ATP7A: variants seen among roughly 807,000 people sequenced by gnomAD.
ATP7A encodes the protein ATPase copper transporting alpha.
Under a neutral mutation model 83.5 loss-of-function variants are expected in ATP7A, and 7 were observed. That is an observed-to-expected ratio of 0.08 (90% confidence interval 0.05 to 0.16). ATP7A has a LOEUF of 0.16. Among genes scored for constraint, ATP7A ranks in the 10% least tolerant of loss-of-function variants. The probability of loss-of-function intolerance (pLI) is 1.00; values close to 1 mark genes in which losing one functional copy is unlikely to be tolerated. For synonymous variants in ATP7A, 354 were observed against 395.2 expected (o/e 0.90, Z 1.24); for missense variants, 940 against 1,120.8 (o/e 0.84, Z 2.30).
intron 4 of ATP7A, among the ~76,000 whole-genome samples, chrX:77,990,589 A>T (rs1253565627): frequency 1.8e-5 from 2 of 112,283 alleles, no homozygotes; most frequent in Non-Finnish European, 3.8e-5. Context: ...TTTAACTATA[A>T]TTTTATATTT....
At chrX:77,943,316 G>A (rs1230568112) in intron 1 of ATP7A, among the ~76,000 whole-genome samples, 2 of 111,255 alleles carry the variant, frequency 1.8e-5, no homozygotes, top group Admixed American at 9.5e-5. Flanking sequence ...TCCTTTTTTG[G>A]TATGTTTTCT....
At position 78,013,079 on chromosome X, in the gene ATP7A, T is replaced by C; in HGVS notation, c.2373T>C (p.Ile791=). The C allele has an allele frequency of 8.3e-7, 1 of 1,210,285 alleles. No individual in the cohort carries two copies. Among genetic ancestry groups the C allele is most frequent in the Non-Finnish European group, 1.1e-6 (1 of 894,119 alleles). Residue 791 remains isoleucine (I), a synonymous_variant, in exon 10 of 23, where the codon ATT becomes ATC. Transcript: ENST00000341514. ...CACCCCCTATGCTGTTTGTGTTTAT[T>C]GCACTAGGCCGATGGCTGGAACATA... ...FDTPPMLFVF[I]ALGRWLEHIA... is the part of the protein sequence containing the mutation.
intron 1 of ATP7A, among the ~76,000 whole-genome samples, chrX:77,929,326 T>G (rs1303539114): frequency 9.0e-6 from 1 of 111,730 alleles, no homozygotes; most frequent in Admixed American, 9.5e-5. Flanking sequence ...AAAGAATTGC[T>G]TGAACCCATC....
intron 1 of ATP7A, among the ~76,000 whole-genome samples, chrX:77,928,099 C>T (rs1557223807): frequency 9.1e-6 from 1 of 110,283 alleles, no homozygotes; most frequent in Admixed American, 9.8e-5. Flanking sequence ...GTAGCTGGGA[C>T]TACAGGTATG....
chrX:77,935,851 A>G (rs2077317184), intron 1 of ATP7A, among the ~76,000 whole-genome samples: 1 of 112,672 alleles, frequency 8.9e-6, no homozygotes, highest in South Asian at 3.6e-4. Context: ...AAGCCAATCT[A>G]GTGAAATTAC....
At chrX:77,951,723 G>A (rs1209077624) in intron 1 of ATP7A, among the ~76,000 whole-genome samples, 8 of 110,768 alleles carry the variant, frequency 7.2e-5, no homozygotes, top group African/African-American at 2.6e-4. Flanking sequence ...TGGACTACAA[G>A]CATGCACCAC....
At chrX:78,004,515 G>A (rs782376714) in intron 6 of ATP7A, among the ~76,000 whole-genome samples, 2 of 111,856 alleles carry the variant, frequency 1.8e-5, no homozygotes, top group Non-Finnish European at 3.8e-5. Flanking sequence ...TTGGGAGGCC[G>A]AGGTGGGAGG....
At chrX:78,002,965 AT>A in intron 5 of ATP7A, 107 bp from the exon 6 acceptor site, 1 of 852,473 alleles carries the variant, frequency 1.2e-6, no homozygotes, top group Non-Finnish European at 1.7e-6. Flanking sequence ...AAATCCTTTA[AT>A]ACTTAAGAGA....
intron 6 of ATP7A, among the ~76,000 whole-genome samples, chrX:78,005,555 C>T (rs1480099586): frequency 8.4e-5 from 9 of 107,571 alleles, no homozygotes; most frequent in South Asian, 4.1e-4. Context: ...TGGTGGCACG[C>T]GCCTGTAATC....
intron 2 of ATP7A, among the ~76,000 whole-genome samples, chrX:77,982,340 A>T (rs1235892832): frequency 2.7e-5 from 3 of 112,159 alleles, no homozygotes; most frequent in Non-Finnish European, 5.6e-5. Context: ...ACTGAGCAGC[A>T]TGCTAACCTG....
chrX:77,915,334 A>T (rs1557222402), intron 1 of ATP7A, among the ~76,000 whole-genome samples: 1 of 108,645 alleles, frequency 9.2e-6, no homozygotes, highest in Non-Finnish European at 1.9e-5. Context: ...TCCGGAAAAA[A>T]AAAAAAAGCC....
chrX:77,920,155 C>A (rs919752385), intron 1 of ATP7A, among the ~76,000 whole-genome samples: 11 of 110,428 alleles, frequency 1.0e-4, no homozygotes, highest in Non-Finnish European at 1.5e-4. Context: ...ACCCTTGCCC[C>A]ACTCCCTCCC....
Position 78,046,308 on chromosome X carries a change from C to T in ATP7A, c.4241C>T (p.Thr1414Ile), listed in dbSNP as rs782198884. 9 of 1,210,158 alleles carry T rather than the reference C, an allele frequency of 7.4e-6. No homozygotes were observed. The African/African-American group carries it at 1.6e-4, about 21-fold the overall frequency. ...SLFLKLYRKP[T>I]YESYELPARS... ...CATATGTCCAGTTACAGGAAACCAA[C>T]TTACGAGAGTTATGAACTGCCTGCC... Residue 1414 changes from threonine to isoleucine, a missense_variant, in exon 23 of 23, where the codon ACT (threonine) becomes ATT (isoleucine). Physicochemically the swap from Thr to Ile is moderately conservative, Grantham distance 89. Transcript: ENST00000341514.
chrX:77,914,534 G>T (rs1332455837), intron 1 of ATP7A, among the ~76,000 whole-genome samples: 1 of 111,034 alleles, frequency 9.0e-6, no homozygotes, highest in Non-Finnish European at 1.9e-5. Flanking sequence ...CAAGTAGCGG[G>T]GATTACAGGT....
chrX:77,971,814 AG>A, intron 2 of ATP7A, 53 bp downstream of exon 2: 1 of 1,173,925 alleles, frequency 8.5e-7, no homozygotes, highest in Non-Finnish European at 1.2e-6. Flanking sequence ...GAATTCTACT[AG>A]AAATTACTTC....
In ATP7A at chrX:77,968,152, C is replaced by G. The variant is rs1247604682; in HGVS notation, c.-21-3469C>G. 5.5e-5 allele frequency among the ~76,000 whole-genome samples: 6 copies of G among 109,995 alleles called. No individual in the cohort carries two copies. The South Asian group carries it at 2.4e-3, about 44-fold the overall frequency. The stretch of plus-strand genomic sequence containing the variant: ...CAAGGCAGGAAGGGATTCTAATACA[C>G]ACACCAGGAAGCACTCCTGCCCCTC... On this transcript the variant is annotated intron_variant, in intron 1 of 22. Transcript: ENST00000341514.
intron 1 of ATP7A, among the ~76,000 whole-genome samples, chrX:77,920,949 T>A (rs1415787850): frequency 8.9e-6 from 1 of 112,225 alleles, no homozygotes; most frequent in Non-Finnish European, 1.9e-5. Flanking sequence ...TTCTAGGTAC[T>A]TTTAATAAAT....
At chrX:78,044,114 C>T (rs998279805) in intron 21 of ATP7A, among the ~76,000 whole-genome samples, 5 of 108,010 alleles carry the variant, frequency 4.6e-5, no homozygotes, top group African/African-American at 1.7e-4. Flanking sequence ...ATTAGCCGGG[C>T]GTGGTGGCAC....
At position 78,020,964 on chromosome X, in the gene ATP7A, C is replaced by G. The variant is rs868944171; in HGVS notation, c.2801C>G (p.Ala934Gly). The change falls in exon 14 of 23, where the codon GCA becomes GGA. Residue 934 changes from alanine to glycine, a missense_variant. By Grantham distance (60) the Ala-to-Gly change is moderately conservative (BLOSUM62 0). Coordinates refer to ENST00000341514, the MANE Select transcript of ATP7A (RefSeq NM_000052.7). ...QTSKAPIQQF[A>G]DKLSGYFVPF... ...TTCTAGGCTCCTATCCAGCAGTTTG[C>G]AGACAAACTCAGTGGCTATTTTGTT... 1 of 1,204,548 alleles carries G rather than the reference C, an allele frequency of 8.3e-7. No homozygotes were observed. Among genetic ancestry groups the G allele is most frequent in the Non-Finnish European group, 1.1e-6 (1 of 890,662 alleles).
Sources: allele counts gnomAD v4.1 joint callset (sites outside exome capture counted in the v4.1 genomes callset), GRCh38; gene constraint gnomAD v4.1.1; transcripts MANE v1.5; gene names NCBI Gene and HGNC (gene_info 2026-07-23, HGNC 2026-07-21).